SPOCK3: variants seen among roughly 807,000 people sequenced by gnomAD.
SPOCK3 encodes SPARC (osteonectin), cwcv and kazal like domains proteoglycan 3, also known as testican-3.
Under a neutral mutation model 56.6 loss-of-function variants are expected in SPOCK3, and 30 were observed. That is an observed-to-expected ratio of 0.53 (90% CI 0.40 to 0.72). The LOEUF (loss-of-function observed/expected upper bound fraction) is 0.72. Ranked by LOEUF, SPOCK3 falls within the 30% of genes least tolerant of loss-of-function variation. The probability of loss-of-function intolerance (pLI) is 0.00; values close to 1 mark genes in which losing one functional copy is unlikely to be tolerated. For synonymous variants in SPOCK3, 196 were observed against 183.3 expected (o/e 1.07, Z -0.56); for missense variants, 527 against 530.0 (o/e 0.99, Z 0.06).
intron 2 of SPOCK3, among the ~76,000 whole-genome samples, chr4:167,160,034 T>C (rs987012125): frequency 2.0e-5 from 3 of 152,144 alleles, no homozygotes; most frequent in African/African-American, 4.8e-5. Flanking sequence ...TTGGAAGTTC[T>C]GGCCAGGGCA....
chr4:167,147,000 C>A (rs1336654317), intron 2 of SPOCK3, among the ~76,000 whole-genome samples: 1 of 151,810 alleles, frequency 6.6e-6, no homozygotes, highest in Non-Finnish European at 1.5e-5. Context: ...AAAAACCCTT[C>A]AAAAAATCAA....
At chr4:167,226,879 G>A (rs555412177) in intron 2 of SPOCK3, among the ~76,000 whole-genome samples, 1 of 152,092 alleles carries the variant, frequency 6.6e-6, no homozygotes, top group South Asian at 2.1e-4. Context: ...ATCGTTACTC[G>A]GGTACTCTGA....
chr4:166,763,456 A>T (rs1199221367), intron 7 of SPOCK3, among the ~76,000 whole-genome samples: 1 of 152,132 alleles, frequency 6.6e-6, no homozygotes, highest in Non-Finnish European at 1.5e-5. Context: ...ACCAGATGGA[A>T]ATCTGGATCT....
In SPOCK3 at chr4:166,806,671, A is replaced by G. The variant is rs530581447; in HGVS notation, c.590-14382T>C. On this transcript the variant is annotated intron_variant, in intron 6 of 10. Transcript: ENST00000357545. ...ACAACATTTTAGTAAAATTTGGAAA[A>G]ACACAATTGTTTCTTTGGATTATTA... 2.6e-5 allele frequency among the ~76,000 whole-genome samples: 4 copies of G among 152,154 alleles called. No individual in the cohort carries two copies. In the East Asian group the frequency reaches 7.7e-4, roughly 29 times the overall value.
At chr4:166,767,459 T>G (rs1042850814) in intron 7 of SPOCK3, among the ~76,000 whole-genome samples, 14 of 152,142 alleles carry the variant, frequency 9.2e-5, no homozygotes. Flanking sequence ...CAGTAGTCAT[T>G]CAGGAGCAGG....
At chr4:167,119,143 A>T (rs116835229) in intron 2 of SPOCK3, among the ~76,000 whole-genome samples, 7 of 123,880 alleles carry the variant, frequency 5.7e-5, no homozygotes, top group African/African-American at 2.3e-4. Flanking sequence ...GGGGTGGGGG[A>T]GGGGGGGGAA....
chr4:167,059,485 T>A (rs573570926), intron 3 of SPOCK3, among the ~76,000 whole-genome samples: 136 of 151,928 alleles, frequency 9.0e-4, no homozygotes, highest in Middle Eastern at 6.8e-3. Context: ...TGGCAATCAT[T>A]AAAAAGTCAG....
At chr4:166,985,537 C>T (rs1195070553) in intron 4 of SPOCK3, among the ~76,000 whole-genome samples, 1 of 152,098 alleles carries the variant, frequency 6.6e-6, no homozygotes, top group Non-Finnish European at 1.5e-5. Context: ...TCAATGTTGT[C>T]CTCAATGTTA....
chr4:167,044,269 C>T (rs1753513466), intron 3 of SPOCK3, among the ~76,000 whole-genome samples: 1 of 151,896 alleles, frequency 6.6e-6, no homozygotes, highest in Non-Finnish European at 1.5e-5. Flanking sequence ...TTTTAATGTT[C>T]ATGAAATCTG....
At chr4:167,113,953 G>C (rs1264014234) in intron 2 of SPOCK3, among the ~76,000 whole-genome samples, 2 of 152,080 alleles carry the variant, frequency 1.3e-5, no homozygotes, top group Admixed American at 6.6e-5. Context: ...GACCATCTGA[G>C]GCACAGAGCA....
intron 4 of SPOCK3, among the ~76,000 whole-genome samples, chr4:166,916,511 T>G (rs181578665): frequency 3.3e-5 from 5 of 152,334 alleles, no homozygotes; most frequent in Admixed American, 3.3e-4. Context: ...ATTCATTTAC[T>G]CATTTATGTT....
intron 6 of SPOCK3, among the ~76,000 whole-genome samples, chr4:166,863,859 A>G (rs1466056798): frequency 3.9e-5 from 6 of 152,136 alleles, no homozygotes; most frequent in Non-Finnish European, 7.4e-5. Flanking sequence ...CCTGACTGTC[A>G]ATATTAGACA....
chr4:167,070,732 A>G (rs1317558612), intron 2 of SPOCK3, among the ~76,000 whole-genome samples: 2 of 151,982 alleles, frequency 1.3e-5, no homozygotes, highest in Non-Finnish European at 2.9e-5. Flanking sequence ...AAGAATGGCT[A>G]GCATAACAGT....
intron 4 of SPOCK3, among the ~76,000 whole-genome samples, chr4:166,944,535 T>C (rs1356089174): frequency 6.6e-6 from 1 of 152,202 alleles, no homozygotes; most frequent in Non-Finnish European, 1.5e-5. Context: ...TCTTCAGTGT[T>C]CTTTTTTTCT....
chr4:166,860,811 A>ATATATATATATATG (rs984740187), intron 6 of SPOCK3, among the ~76,000 whole-genome samples: 10 of 143,776 alleles, frequency 7.0e-5, no homozygotes, highest in African/African-American at 2.6e-4. Context: ...TCATATATAT[A>ATATATATATATATG]TATATGTATA....
chr4:167,226,239 T>A (rs955863005), intron 2 of SPOCK3, among the ~76,000 whole-genome samples: 1 of 152,172 alleles, frequency 6.6e-6, no homozygotes, highest in Non-Finnish European at 1.5e-5. Flanking sequence ...CACTCTGCTT[T>A]GGTTTTGACC....
intron 2 of SPOCK3, among the ~76,000 whole-genome samples, chr4:167,085,265 G>GA (rs1580244114): frequency 6.6e-6 from 1 of 150,848 alleles, no homozygotes; most frequent in Admixed American, 6.6e-5. Context: ...ATAGAGCAGA[G>GA]AAAAAATGAA....
intron 2 of SPOCK3, among the ~76,000 whole-genome samples, chr4:167,160,289 C>A (rs879422714): frequency 6.6e-6 from 1 of 152,082 alleles, no homozygotes; most frequent in Non-Finnish European, 1.5e-5. Context: ...CTCCCATTCA[C>A]AATTGCTTCA....
chr4:166,963,739 T>G (rs533044226), intron 4 of SPOCK3, among the ~76,000 whole-genome samples: 16 of 152,104 alleles, frequency 1.1e-4, no homozygotes, highest in African/African-American at 3.8e-4. Context: ...ATTATTTATT[T>G]GTCAGTGGGA....
Sources: allele counts gnomAD v4.1 joint callset (sites outside exome capture counted in the v4.1 genomes callset), GRCh38; gene constraint gnomAD v4.1.1; transcripts MANE v1.5; gene names NCBI Gene and HGNC (gene_info 2026-07-23, HGNC 2026-07-21).